ERC2: variants seen among roughly 807,000 people sequenced by gnomAD.
ERC2 encodes ERC protein 2.
In ERC2, 42 loss-of-function variants were observed where a neutral mutation model predicts 114.8. That is an observed-to-expected ratio of 0.37 (90% CI 0.29 to 0.47). The LOEUF is 0.47. ERC2 is among the 20% of genes least tolerant of loss of function. The probability of loss-of-function intolerance (pLI) is 0.99; values close to 1 mark genes in which losing one functional copy is unlikely to be tolerated. For synonymous variants in ERC2, 454 were observed against 425.5 expected (o/e 1.07, Z -0.82); for missense variants, 939 against 1,150.7 (o/e 0.82, Z 2.66).
At chr3:56,292,577 G>A (rs184917362) in intron 3 of ERC2, among the ~76,000 whole-genome samples, 207 of 152,016 alleles carry the variant, frequency 1.4e-3, no homozygotes, top group African/African-American at 4.6e-3. Context: ...GTGACAGAGT[G>A]AGACCCCGTC....
chr3:56,380,719 T>C (rs766002447), intron 2 of ERC2, among the ~76,000 whole-genome samples: 3 of 152,220 alleles, frequency 2.0e-5, no homozygotes, highest in Non-Finnish European at 2.9e-5. Flanking sequence ...TCATCTTTGA[T>C]ATAAAGTGAG....
chr3:56,268,916 G>C (rs2053489587), intron 3 of ERC2, among the ~76,000 whole-genome samples: 2 of 152,124 alleles, frequency 1.3e-5, no homozygotes, highest in African/African-American at 4.8e-5. Flanking sequence ...GTGCATGACT[G>C]TATATGTATA....
At chr3:55,710,131 A>G (rs1340126417) in intron 15 of ERC2, among the ~76,000 whole-genome samples, 1 of 151,974 alleles carries the variant, frequency 6.6e-6, no homozygotes, top group Non-Finnish European at 1.5e-5. Flanking sequence ...CTAGCTTTAC[A>G]CGGAACACTT....
At chr3:56,337,828 C>A (rs2057919792) in intron 2 of ERC2, among the ~76,000 whole-genome samples, 1 of 152,110 alleles carries the variant, frequency 6.6e-6, no homozygotes. Flanking sequence ...TCAGAATAGC[C>A]AAAAACTGGA....
chr3:55,943,200 T>C (rs920609465), intron 13 of ERC2, among the ~76,000 whole-genome samples: 14 of 152,216 alleles, frequency 9.2e-5, no homozygotes, highest in Admixed American at 9.2e-4. Context: ...GTGTGAGTTA[T>C]TACATAAATT....
intron 17 of ERC2, among the ~76,000 whole-genome samples, chr3:55,521,961 C>A (rs2052977582): frequency 6.6e-6 from 1 of 152,188 alleles, no homozygotes; most frequent in Non-Finnish European, 1.5e-5. Context: ...TGGGTGTATG[C>A]CTGCAAGGAT....
At chr3:55,921,024 C>T (rs2065396899) in intron 13 of ERC2, among the ~76,000 whole-genome samples, 1 of 152,092 alleles carries the variant, frequency 6.6e-6, no homozygotes, top group South Asian at 2.1e-4. Flanking sequence ...GGTGGGAATG[C>T]AGAAACCTCT....
Position 55,555,855 on chromosome 3 carries a change from C to T in ERC2, c.*40-44579G>A, listed in dbSNP as rs771739363. Among the ~76,000 whole-genome samples the T allele has an allele frequency of 3.9e-5, 6 of 152,146 alleles. 1 individual carries two copies. The highest frequency in any genetic ancestry group is 2.0e-4 in the Admixed American group (3 of 15,276). The stretch of plus-strand genomic sequence containing the variant: ...TGGAGTTGCTGAAATCCGCGCTGCT[C>T]GCTCAGAAAACGGGTCACCGAGGAA... On this transcript the variant is annotated intron_variant, in intron 17 of 17. Coordinates refer to ENST00000288221, the MANE Select transcript of ERC2 (RefSeq NM_015576.3).
chr3:56,260,664 G>A lies in ERC2; in HGVS notation c.1074+35355C>T, dbSNP rs935984847. On this transcript the variant is annotated intron_variant, in intron 3 of 17. Transcript: ENST00000288221. ...AGCTCCAGAGCCTGTGTTATTAACC[G>A]CTATGCTCCACCACTTCCCTCTGGC... is the stretch of plus-strand genomic sequence containing the variant. Among the ~76,000 whole-genome samples the A allele has an allele frequency of 3.3e-5, 5 of 152,118 alleles. 1 individual carries two copies. Among genetic ancestry groups the A allele is most frequent in the East Asian group, 3.9e-4 (2 of 5,168 alleles).
chr3:56,222,486 TACA>T (rs2049977238), intron 3 of ERC2, among the ~76,000 whole-genome samples: 1 of 152,210 alleles, frequency 6.6e-6, no homozygotes, highest in South Asian at 2.1e-4. Flanking sequence ...AATTCTCAAC[TACA>T]ACACCATTTG....
chr3:55,707,464 C>T lies in ERC2; in HGVS notation c.2713-7952G>A, dbSNP rs80137655. Reference sequence around the variant, plus strand: ...AAAAAAAAACATTGCTTTCTGCTGCCACCTTAGGAACCTGGGGAATCCCCT... The same window carrying T: ...AAAAAAAAACATTGCTTTCTGCTGCTACCTTAGGAACCTGGGGAATCCCCT... On this transcript the variant is annotated intron_variant, in intron 15 of 17. Coordinates refer to ENST00000288221, the MANE Select transcript of ERC2 (RefSeq NM_015576.3). 8.6e-4 allele frequency among the ~76,000 whole-genome samples: 131 copies of T among 152,252 alleles called. 3 individuals carry two copies. In the East Asian group the frequency reaches 0.022, roughly 26 times the overall value.
chr3:55,734,027 T>G (rs2065468480), intron 15 of ERC2, among the ~76,000 whole-genome samples: 1 of 152,184 alleles, frequency 6.6e-6, no homozygotes, highest in Non-Finnish European at 1.5e-5. Flanking sequence ...ATTTCATGGA[T>G]GATTTTCCAA....
At position 56,237,255 on chromosome 3, in the gene ERC2, G is replaced by A. The variant is rs140109028; in HGVS notation, c.1074+58764C>T. ...CTCCATCATGCCACCAGATGACGGC[G>A]TCACCCTTCCTGGACTCCACATGTG... On this transcript the variant is annotated intron_variant, in intron 3 of 17. Coordinates refer to ENST00000288221, the MANE Select transcript of ERC2 (RefSeq NM_015576.3). Among the ~76,000 whole-genome samples the A allele has an allele frequency of 1.8e-4, 27 of 150,222 alleles. No homozygotes were observed. The East Asian group carries it at 4.5e-3, about 25-fold the overall frequency.
At chr3:56,282,077 G>A (rs1560515853) in intron 3 of ERC2, among the ~76,000 whole-genome samples, 2 of 152,172 alleles carry the variant, frequency 1.3e-5, no homozygotes, top group Non-Finnish European at 2.9e-5. Context: ...CATAGGTCAT[G>A]TCACTTGAGA....
chr3:55,757,217 G>T (rs1400407815), intron 14 of ERC2, among the ~76,000 whole-genome samples: 1 of 152,068 alleles, frequency 6.6e-6, no homozygotes, highest in East Asian at 1.9e-4. Flanking sequence ...ACATTCCCCA[G>T]CTTTAATGAG....
chr3:55,886,088 A>T (rs1451506163), intron 14 of ERC2, among the ~76,000 whole-genome samples: 1 of 152,240 alleles, frequency 6.6e-6, no homozygotes, highest in Non-Finnish European at 1.5e-5. Context: ...GCTGGAAAAC[A>T]AGGAGAAAAA....
intron 4 of ERC2, among the ~76,000 whole-genome samples, chr3:56,172,110 C>A (rs975130975): frequency 8.6e-5 from 13 of 151,200 alleles, no homozygotes; most frequent in South Asian, 6.3e-4. Flanking sequence ...GAATTATGAA[C>A]CACTGGCCTA....
At chr3:55,595,080 C>T (rs185296035) in intron 17 of ERC2, among the ~76,000 whole-genome samples, 43 of 152,272 alleles carry the variant, frequency 2.8e-4, no homozygotes, top group Admixed American at 5.9e-4. Context: ...TTCATATCAA[C>T]TCTGAAAAGT....
At chr3:56,359,071 C>T (rs911021146) in intron 2 of ERC2, among the ~76,000 whole-genome samples, 3 of 152,274 alleles carry the variant, frequency 2.0e-5, no homozygotes, top group Admixed American at 6.5e-5. Flanking sequence ...CATGTGTGTA[C>T]GTGTGCATGA....
Sources: allele counts gnomAD v4.1 joint callset (sites outside exome capture counted in the v4.1 genomes callset), GRCh38; gene constraint gnomAD v4.1.1; transcripts MANE v1.5; gene names NCBI Gene and HGNC (gene_info 2026-07-23, HGNC 2026-07-21).